AP2B1: variants seen among roughly 807,000 people sequenced by gnomAD.
AP2B1 encodes the protein adaptor related protein complex 2 subunit beta 1.
Under a neutral mutation model 102.0 loss-of-function variants are expected in AP2B1, and 23 were observed. The ratio of observed to expected loss-of-function variants is 0.23; its 90% CI spans 0.16 to 0.32. AP2B1 has a LOEUF of 0.32. Among genes scored for constraint, AP2B1 ranks in the 10% least tolerant of loss-of-function variants. The pLI is 1.00. For missense variants in AP2B1, 541 were observed against 1,157.4 expected (o/e 0.47, Z 7.73); for synonymous variants, 381 against 421.2 (o/e 0.90, Z 1.17).
At chr17:35,677,465 T>C (rs138094469) in intron 17 of AP2B1, among the ~76,000 whole-genome samples, 209 of 152,304 alleles carry the variant, frequency 1.4e-3, no homozygotes, top group African/African-American at 4.9e-3. Flanking sequence ...CATTTTGAGA[T>C]CGTTTTTAAA....
At chr17:35,641,718 CTGT>C (rs1159020015) in intron 11 of AP2B1, among the ~76,000 whole-genome samples, 156 bp from the exon 12 acceptor site, 4 of 152,142 alleles carry the variant, frequency 2.6e-5, no homozygotes, top group African/African-American at 7.2e-5. Context: ...CTTTTGACTG[CTGT>C]TGTTGATATT....
At chr17:35,600,728 T>A (rs1298819403) in intron 3 of AP2B1, among the ~76,000 whole-genome samples, 1 of 152,246 alleles carries the variant, frequency 6.6e-6, no homozygotes. Context: ...ATTAACTTTT[T>A]AAAAATTTCT....
intron 13 of AP2B1, 53 bp from the exon 14 acceptor site, chr17:35,657,546 C>A: frequency 6.7e-7 from 1 of 1,484,490 alleles, no homozygotes; most frequent in South Asian, 1.2e-5. Flanking sequence ...ATGTTATGTC[C>A]TAGGTGAAAC....
chr17:35,590,136 G>C (rs895136263), intron 1 of AP2B1, among the ~76,000 whole-genome samples: 2 of 152,016 alleles, frequency 1.3e-5, no homozygotes, highest in African/African-American at 4.8e-5. Flanking sequence ...GTGTTAGCCA[G>C]GATGGTCTCG....
At chr17:35,610,649 T>C (rs2073830806) in intron 5 of AP2B1, among the ~76,000 whole-genome samples, 1 of 151,972 alleles carries the variant, frequency 6.6e-6, no homozygotes, top group African/African-American at 2.4e-5. Context: ...GGCTCATGCC[T>C]GTAATCCCAG....
intron 3 of AP2B1, among the ~76,000 whole-genome samples, chr17:35,605,211 T>G (rs985976927): frequency 5.3e-5 from 8 of 151,804 alleles, no homozygotes; most frequent in African/African-American, 1.9e-4. Flanking sequence ...GGCCTACAGT[T>G]TCTTTTCTTT....
At chr17:35,612,882 A>G (rs550620754) in intron 5 of AP2B1, among the ~76,000 whole-genome samples, 95 of 19,960 alleles carry the variant, frequency 4.8e-3, no homozygotes, top group African/African-American at 0.014. Flanking sequence ...GTATGTGCGC[A>G]CACACACACA....
intron 21 of AP2B1, among the ~76,000 whole-genome samples, chr17:35,719,927 A>G (rs1230244076): frequency 6.6e-6 from 1 of 152,202 alleles, no homozygotes; most frequent in African/African-American, 2.4e-5. Flanking sequence ...CCCCAAAATC[A>G]TACAAAGCAA....
intron 14 of AP2B1, among the ~76,000 whole-genome samples, chr17:35,667,588 C>T (rs1383202443): frequency 3.3e-5 from 5 of 152,132 alleles, no homozygotes; most frequent in African/African-American, 7.2e-5. Flanking sequence ...TATCATTCAA[C>T]GATAAAAAGA....
intron 14 of AP2B1, among the ~76,000 whole-genome samples, chr17:35,659,497 A>G (rs978154710): frequency 4.6e-5 from 7 of 152,368 alleles, no homozygotes; most frequent in Admixed American, 2.6e-4. Flanking sequence ...CTGCCCAGTC[A>G]TCTGCATTAG....
At chr17:35,704,815 G>A (rs975030794) in intron 18 of AP2B1, among the ~76,000 whole-genome samples, 7 of 152,152 alleles carry the variant, frequency 4.6e-5, no homozygotes, top group East Asian at 1.9e-4. Flanking sequence ...GGCAGATCAC[G>A]AGGTCAGGAA....
In AP2B1 at chr17:35,685,431, A is replaced by G. The variant is rs984197170; in HGVS notation, c.2454+2607A>G. Among the ~76,000 whole-genome samples, 5 of 152,236 alleles carry G rather than the reference A, an allele frequency of 3.3e-5. No homozygotes were observed. In the South Asian group the frequency reaches 1.0e-3, roughly 31 times the overall value. The stretch of plus-strand genomic sequence containing the variant: ...ACTATATATACATCCAGATAAAGCC[A>G]GGTAAAGATTGATCTAGCTTTTAAA... On this transcript the variant is annotated intron_variant, in intron 18 of 21. Coordinates refer to ENST00000610402, the MANE Select transcript of AP2B1 (RefSeq NM_001030006.2).
intron 3 of AP2B1, among the ~76,000 whole-genome samples, chr17:35,601,565 G>A (rs926915932): frequency 3.3e-5 from 5 of 152,040 alleles, no homozygotes; most frequent in African/African-American, 1.2e-4. Flanking sequence ...CACCATGCCC[G>A]GCCAAGATTC....
chr17:35,663,756 G>T (rs1167314581), intron 14 of AP2B1, among the ~76,000 whole-genome samples: 1 of 152,198 alleles, frequency 6.6e-6, no homozygotes. Flanking sequence ...AATACAGCTT[G>T]CTTGCCCTGG....
At chr17:35,601,269 T>G (rs914303973) in intron 3 of AP2B1, among the ~76,000 whole-genome samples, 20 of 152,228 alleles carry the variant, frequency 1.3e-4, no homozygotes, top group South Asian at 2.1e-4. Context: ...GGATTCTTTT[T>G]GGGGGATGAT....
chr17:35,701,391 G>T (rs2076236146), intron 18 of AP2B1, among the ~76,000 whole-genome samples: 1 of 152,144 alleles, frequency 6.6e-6, no homozygotes, highest in Non-Finnish European at 1.5e-5. Flanking sequence ...TTATTGAAAG[G>T]TAAAGAGAGA....
intron 12 of AP2B1, among the ~76,000 whole-genome samples, chr17:35,646,881 G>C (rs975831375): frequency 5.3e-5 from 8 of 152,062 alleles, no homozygotes; most frequent in Admixed American, 2.0e-4. Flanking sequence ...ACCGTGCCTG[G>C]CTGAGATTTT....
Position 35,587,328 on chromosome 17 carries a change from A to G in AP2B1, c.-124A>G, listed in dbSNP as rs1435430854. ...GGGTTTTGCGCAGTGGCTTAGACCT[A>G]GAAAAGAATCGTGACGGGCAGGAAA... On this transcript the variant is annotated 5_prime_UTR_variant, in exon 1 of 22. Transcript: ENST00000610402. The G allele has an allele frequency of 6.6e-6, 1 of 152,258 alleles. No homozygotes were observed. Among genetic ancestry groups the G allele is most frequent in the African/African-American group, 2.4e-5 (1 of 41,462 alleles). 9.4% of individuals were successfully genotyped at this position (152,258 alleles called of 1,614,324 possible). A position where few individuals can be genotyped will look rare whatever the true frequency, so the allele number is the denominator to read the frequency against.
intron 9 of AP2B1, among the ~76,000 whole-genome samples, chr17:35,630,761 G>A (rs749352923): frequency 2.0e-5 from 3 of 152,092 alleles, no homozygotes; most frequent in Admixed American, 1.3e-4. Flanking sequence ...TTGACTAAGC[G>A]TGCTTTGATG....
Sources: allele counts gnomAD v4.1 joint callset (sites outside exome capture counted in the v4.1 genomes callset), GRCh38; gene constraint gnomAD v4.1.1; transcripts MANE v1.5; gene names NCBI Gene and HGNC (gene_info 2026-07-23, HGNC 2026-07-21).